Variants in SDK2 observed in about 807,000 individuals in gnomAD.
SDK2 encodes the protein protein sidekick-2.
In SDK2, 105 loss-of-function variants were observed where a neutral mutation model predicts 253.9. The observed-to-expected ratio is 0.41, with a 90% confidence interval of 0.35 to 0.49. The LOEUF (loss-of-function observed/expected upper bound fraction) is 0.49, where lower values mean the gene tolerates loss of function less well. SDK2 is among the 20% of genes least tolerant of loss of function. The pLI is 0.06. For synonymous variants in SDK2, 1,249 were observed against 1,234.9 expected (o/e 1.01, Z -0.24); for missense variants, 2,608 against 3,003.0 (o/e 0.87, Z 3.07).
At position 73,361,667 on chromosome 17, in the gene SDK2, G is replaced by C. The variant is rs371982267; in HGVS notation, c.5467+17C>G. Reference sequence around the variant, plus strand: ...AACCGCCGTGTGGAAGACATGCCTGGTCCGTTGCTCTCCTACCTTCTCCGG... The same window carrying C: ...AACCGCCGTGTGGAAGACATGCCTGCTCCGTTGCTCTCCTACCTTCTCCGG... On this transcript the variant is annotated intron_variant, in intron 39 of 44. Transcript: ENST00000392650. The surrounding 1 kb of genome is among the most constrained non-coding windows in gnomAD (Gnocchi z 4.1). The C allele has an allele frequency of 5.6e-6, 9 of 1,606,200 alleles. No homozygotes were observed. The highest frequency in any genetic ancestry group is 7.7e-6 in the Non-Finnish European group (9 of 1,173,576).
At chr17:73,583,054 C>T (rs550543743) in intron 1 of SDK2, among the ~76,000 whole-genome samples, 27 of 152,242 alleles carry the variant, frequency 1.8e-4, no homozygotes, top group Non-Finnish European at 3.5e-4. Context: ...AACTCCTATG[C>T]ATCCTTTAGG....
Position 73,388,420 on chromosome 17 carries a change from C to T in SDK2, c.4193-383G>A, listed in dbSNP as rs552522706. On this transcript the variant is annotated intron_variant, in intron 29 of 44. Coordinates refer to ENST00000392650, the MANE Select transcript of SDK2 (RefSeq NM_001144952.2). Reference sequence around the variant, plus strand: ...GATGAGGTTGTTTCCCTACGAGAAGCGCTGCTTCATTCCAGGCCCTAGCTT... The same window carrying T: ...GATGAGGTTGTTTCCCTACGAGAAGTGCTGCTTCATTCCAGGCCCTAGCTT... 1.9e-4 allele frequency among the ~76,000 whole-genome samples: 29 copies of T among 152,338 alleles called. No homozygotes were observed. In the East Asian group the frequency reaches 4.1e-3, roughly 21 times the overall value.
intron 36 of SDK2, chr17:73,369,264 C>T (rs1239377811): frequency 7.1e-6 from 3 of 420,494 alleles, no homozygotes; most frequent in Non-Finnish European, 1.5e-5. Context: ...GGAGTCTATC[C>T]AGACAGAGTG....
chr17:73,444,081 C>A (rs1599572059), intron 5 of SDK2, among the ~76,000 whole-genome samples: 2 of 152,266 alleles, frequency 1.3e-5, no homozygotes, highest in East Asian at 3.9e-4. Context: ...GCCTGGTACA[C>A]AGTAGGTGCT....
At chr17:73,378,369 G>A (rs111386837) in intron 36 of SDK2, among the ~76,000 whole-genome samples, 1 of 150,120 alleles carries the variant, frequency 6.7e-6, no homozygotes, top group Non-Finnish European at 1.5e-5. Context: ...CCTAAAGTGC[G>A]GGAATTACAG....
At chr17:73,500,956 A>G (rs1462764511) in intron 2 of SDK2, among the ~76,000 whole-genome samples, 2 of 152,038 alleles carry the variant, frequency 1.3e-5, no homozygotes, top group Non-Finnish European at 2.9e-5. Context: ...TCATTTCTCC[A>G]GCCAGGGGGG....
At chr17:73,430,418 G>C (rs1013756151) in intron 12 of SDK2, 93 bp downstream of exon 12, 1 of 949,936 alleles carries the variant, frequency 1.1e-6, no homozygotes, top group Non-Finnish European at 1.6e-6. Flanking sequence ...CTCTGCAGCT[G>C]TTACCTCCCT....
intron 36 of SDK2, among the ~76,000 whole-genome samples, chr17:73,373,884 A>G (rs58186903): frequency 0.072 from 9,864 of 137,500 alleles, 826 homozygotes; most frequent in East Asian, 0.19. Flanking sequence ...TGATCTGCCT[A>G]CCTTGGCTTC....
chr17:73,379,094 G>T lies in SDK2; in HGVS notation c.4980+83C>A. 1 of 1,023,782 alleles carries T rather than the reference G, an allele frequency of 9.8e-7. No individual in the cohort carries two copies. Among genetic ancestry groups the T allele is most frequent in the Non-Finnish European group, 1.5e-6 (1 of 680,884 alleles). The allele number at this position is 1,023,782 out of a possible 1,614,324, so 63.4% of individuals were successfully genotyped here. On this transcript the variant is annotated intron_variant, in intron 36 of 44. Coordinates refer to ENST00000392650, the MANE Select transcript of SDK2 (RefSeq NM_001144952.2). This position sits in a 1 kb window ranked among gnomAD's most constrained non-coding sequence, Gnocchi z 4.5. ...GAATGGAGGGCCTGGGGACCTGCCT[G>T]CCTCCCACATATCACTCACTCCCCA...
intron 1 of SDK2, among the ~76,000 whole-genome samples, chr17:73,569,516 G>A (rs979053548): frequency 1.3e-5 from 2 of 151,680 alleles, no homozygotes; most frequent in Non-Finnish European, 2.9e-5. Flanking sequence ...TTTTGTATTC[G>A]TGCCTATTAA....
chr17:73,344,750 A>C (rs534573509), intron 44 of SDK2, among the ~76,000 whole-genome samples: 2 of 152,350 alleles, frequency 1.3e-5, no homozygotes, highest in South Asian at 4.1e-4. Flanking sequence ...ACGAGGTCTC[A>C]GCTGAGCCTG....
At chr17:73,382,520 G>GT (rs1411819225) in intron 33 of SDK2, among the ~76,000 whole-genome samples, 2 of 152,186 alleles carry the variant, frequency 1.3e-5, no homozygotes, top group Non-Finnish European at 2.9e-5. Flanking sequence ...GAAAACCTCA[G>GT]TTTTTTCTTT....
At chr17:73,369,262 T>C (rs1283739898) in intron 36 of SDK2, 1 of 423,240 alleles carries the variant, frequency 2.4e-6, no homozygotes, top group Non-Finnish European at 5.1e-6. Flanking sequence ...GTGGAGTCTA[T>C]CCAGACAGAG....
At chr17:73,449,352 T>A (rs1314360863) in intron 4 of SDK2, among the ~76,000 whole-genome samples, 1 of 152,226 alleles carries the variant, frequency 6.6e-6, no homozygotes, top group East Asian at 1.9e-4. Flanking sequence ...CAAATCCAGT[T>A]GAATTCTTTT....
At chr17:73,505,950 G>A (rs551340785) in intron 2 of SDK2, among the ~76,000 whole-genome samples, 8 of 152,304 alleles carry the variant, frequency 5.3e-5, no homozygotes, top group South Asian at 2.1e-4. Flanking sequence ...TGTACCACCC[G>A]CCCTTGCATC....
At chr17:73,409,027 TG>T (rs1157347403) in intron 18 of SDK2, among the ~76,000 whole-genome samples, 17 of 152,340 alleles carry the variant, frequency 1.1e-4, no homozygotes, top group African/African-American at 4.1e-4. Flanking sequence ...ATACAATGCC[TG>T]GAATTTGCTT....
At chr17:73,452,745 G>C (rs1385467346) in intron 4 of SDK2, among the ~76,000 whole-genome samples, 1 of 152,182 alleles carries the variant, frequency 6.6e-6, no homozygotes, top group Non-Finnish European at 1.5e-5. Context: ...TGGGACATCA[G>C]AATCCTTCTC....
At chr17:73,536,428 C>T (rs556849302) in intron 1 of SDK2, among the ~76,000 whole-genome samples, 6 of 152,218 alleles carry the variant, frequency 3.9e-5, no homozygotes, top group Non-Finnish European at 8.8e-5. Flanking sequence ...AGCCTCCTTC[C>T]GAGGCTTCCG....
intron 39 of SDK2, among the ~76,000 whole-genome samples, chr17:73,358,502 A>G (rs2062612216): frequency 6.6e-6 from 1 of 152,162 alleles, no homozygotes; most frequent in Non-Finnish European, 1.5e-5. Context: ...CCAGCCCAGA[A>G]CGTGTTAGAT....
Sources: allele counts gnomAD v4.1 joint callset (sites outside exome capture counted in the v4.1 genomes callset), GRCh38; gene constraint gnomAD v4.1.1; non-coding constraint Gnocchi (gnomAD v3.1); transcripts MANE v1.5; gene names NCBI Gene and HGNC (gene_info 2026-07-23, HGNC 2026-07-21).